SPNS3: variants seen among roughly 807,000 people sequenced by gnomAD.
The protein encoded by SPNS3 is protein spinster homolog 3.
In SPNS3, 51 loss-of-function variants were observed where a neutral mutation model predicts 54.4. The observed-to-expected ratio is 0.94, with a 90% CI of 0.75 to 1.18. The LOEUF (loss-of-function observed/expected upper bound fraction) is 1.18, where lower values mean the gene tolerates loss of function less well. Ranked by LOEUF, SPNS3 falls within the 50% of genes most tolerant of loss-of-function variation. SPNS3 has a pLI of 0.00. For missense variants in SPNS3, 669 were observed against 677.4 expected (o/e 0.99, Z 0.14); for synonymous variants, 309 against 294.7 (o/e 1.05, Z -0.50).
At chr17:4,466,891 C>T (rs927287832) in intron 8 of SPNS3, among the ~76,000 whole-genome samples, 2 of 152,118 alleles carry the variant, frequency 1.3e-5, no homozygotes, top group Non-Finnish European at 2.9e-5. Flanking sequence ...GGGATGAGTT[C>T]TCTGGAGAGC....
chr17:4,435,492 A>T (rs1205206705), intron 1 of SPNS3, among the ~76,000 whole-genome samples: 2 of 150,842 alleles, frequency 1.3e-5, no homozygotes, highest in Admixed American at 6.6e-5. Flanking sequence ...AATATTTTTT[A>T]AAAATTAAGG....
chr17:4,439,521 G>A, intron 1 of SPNS3, 137 bp from the exon 2 acceptor site: 1 of 672,752 alleles, frequency 1.5e-6, no homozygotes, highest in South Asian at 1.8e-5. Context: ...GGAGAGAGGG[G>A]GAGAGAACAG....
intron 8 of SPNS3, among the ~76,000 whole-genome samples, chr17:4,459,291 G>A (rs1186500908): frequency 1.3e-5 from 2 of 152,182 alleles, no homozygotes; most frequent in Non-Finnish European, 1.5e-5. Context: ...TCAGGCACGT[G>A]GACAGGTGGG....
intron 5 of SPNS3, 110 bp downstream of exon 5, chr17:4,447,072 A>C: frequency 7.6e-6 from 9 of 1,183,980 alleles, no homozygotes; most frequent in South Asian, 6.4e-5. Flanking sequence ...CATTAGGGGG[A>C]CGGGGGGTGG....
At chr17:4,475,606 G>A (rs1971971414) in intron 8 of SPNS3, among the ~76,000 whole-genome samples, 3 of 152,278 alleles carry the variant, frequency 2.0e-5, no homozygotes, top group South Asian at 2.1e-4. Flanking sequence ...ACCAGTCCGC[G>A]CCTGGGGCCT....
At chr17:4,457,134 G>A (rs1223671092) in intron 8 of SPNS3, among the ~76,000 whole-genome samples, 1 of 152,200 alleles carries the variant, frequency 6.6e-6, no homozygotes, top group Non-Finnish European at 1.5e-5. Flanking sequence ...GCTGACGTCT[G>A]GAATCCCAGT....
chr17:4,446,331 C>A, intron 4 of SPNS3, 132 bp downstream of exon 4: 1 of 992,144 alleles, frequency 1.0e-6, no homozygotes, highest in South Asian at 1.7e-5. Context: ...CTACCCCTCC[C>A]TCACCATGTG....
At chr17:4,435,448 A>AT (rs1567550476) in intron 1 of SPNS3, among the ~76,000 whole-genome samples, 5 of 147,172 alleles carry the variant, frequency 3.4e-5, no homozygotes, top group African/African-American at 1.3e-4. Context: ...CTCAAAAAAA[A>AT]AAAAATAAAA....
At chr17:4,477,730 G>A (rs939862929) in intron 8 of SPNS3, among the ~76,000 whole-genome samples, 7 of 152,120 alleles carry the variant, frequency 4.6e-5, no homozygotes, top group African/African-American at 1.2e-4. Context: ...GACCAGGCTC[G>A]GTTTGACTGT....
At chr17:4,438,780 C>T (rs908513287) in intron 1 of SPNS3, among the ~76,000 whole-genome samples, 6 of 152,230 alleles carry the variant, frequency 3.9e-5, no homozygotes, top group African/African-American at 1.4e-4. Flanking sequence ...GTGCACTGAG[C>T]AGCGACAGGG....
In SPNS3 at chr17:4,463,784, G is replaced by GCTA. The variant is rs912726515; in HGVS notation, c.1113+10580_1113+10581insTAC. ...TACTTGTACATACAATATACATTTAGCATGAACATGCTAAATGTATATTGT... is the reference window on the plus strand; with the variant it reads ...TACTTGTACATACAATATACATTTAGCTACATGAACATGCTAAATGTATATTGT... On this transcript the variant is annotated intron_variant, in intron 8 of 11. Coordinates refer to ENST00000355530, the MANE Select transcript of SPNS3 (RefSeq NM_182538.5). Among the ~76,000 whole-genome samples, 57 of 150,854 alleles carry GCTA rather than the reference G, an allele frequency of 3.8e-4. 1 individual carries two copies. The highest frequency in any genetic ancestry group is 1.1e-3 in the South Asian group (5 of 4,760).
chr17:4,461,079 T>C (rs1481045453), intron 8 of SPNS3, among the ~76,000 whole-genome samples: 2 of 152,128 alleles, frequency 1.3e-5, no homozygotes, highest in Non-Finnish European at 2.9e-5. Context: ...TTTCAGTAGT[T>C]TGTATCTTTT....
chr17:4,480,732 GA>G (rs1368468534), intron 9 of SPNS3, among the ~76,000 whole-genome samples: 2 of 152,180 alleles, frequency 1.3e-5, no homozygotes, highest in African/African-American at 4.8e-5. Context: ...CCCATTTGGG[GA>G]GCTGCCCAGG....
At chr17:4,480,702 T>C (rs1214671023) in intron 9 of SPNS3, among the ~76,000 whole-genome samples, 1 of 152,180 alleles carries the variant, frequency 6.6e-6, no homozygotes, top group Non-Finnish European at 1.5e-5. Context: ...GGTTAGGGGC[T>C]GGCCAGCTGC....
rs1337605118 is a variant in SPNS3 at position 4,458,633 on chromosome 17, C to CT, written c.1113+5431dup. On this transcript the variant is annotated intron_variant, in intron 8 of 11. Transcript: ENST00000355530. ...TCTTTCTTTCTTTCTTTCTTTCTTT[C>CT]TTTCTTTCTTTCTTTCCTTCCTTCT... Among the ~76,000 whole-genome samples, 469 of 128,110 alleles carry CT rather than the reference C, an allele frequency of 3.7e-3. 8 individuals are homozygous for CT. Among genetic ancestry groups the CT allele is most frequent in the Middle Eastern group, 0.016 (4 of 256 alleles). The allele number at this position is 128,110 out of a possible 152,430, so 84.0% of individuals were successfully genotyped here.
rs578040006 is a variant in SPNS3, at chr17:4,439,793, A to G, written c.265+70A>G. ...CTGGGGTGGGCTCTTTCTGTGGGTC[A>G]TGTTCTGTGCCCAGCTCCAGCCCCA... On this transcript the variant is annotated intron_variant, in intron 2 of 11. Transcript: ENST00000355530. The G allele has an allele frequency of 4.9e-6, 7 of 1,426,886 alleles. No individual in the cohort carries two copies. The East Asian group carries it at 1.4e-4, about 29-fold the overall frequency. The allele number at this position is 1,426,886 out of a possible 1,614,324, so 88.4% of individuals were successfully genotyped here. A position where few individuals can be genotyped will look rare whatever the true frequency, so the allele number is the denominator to read the frequency against.
At chr17:4,480,263 A>G (rs1261713412) in intron 9 of SPNS3, among the ~76,000 whole-genome samples, 1 of 152,204 alleles carries the variant, frequency 6.6e-6, no homozygotes, top group African/African-American at 2.4e-5. Context: ...GCCCAGAGTC[A>G]GCCGCAGACC....
In SPNS3 at chr17:4,453,532, C is replaced by T. The variant is rs182114244; in HGVS notation, c.1113+327C>T. ...GCTTGGGAGGCTGAGGCAGGAGAATCGCTTGAACGCGGGAGGTGGAGGTTG... is the reference window on the plus strand; with the variant it reads ...GCTTGGGAGGCTGAGGCAGGAGAATTGCTTGAACGCGGGAGGTGGAGGTTG... On this transcript the variant is annotated intron_variant, in intron 8 of 11. Transcript: ENST00000355530. 4.6e-4 allele frequency among the ~76,000 whole-genome samples: 70 copies of T among 152,176 alleles called. No individual in the cohort carries two copies. The East Asian group carries it at 0.011, about 24-fold the overall frequency.
intron 1 of SPNS3, among the ~76,000 whole-genome samples, chr17:4,435,311 T>A (rs1970684910): frequency 6.6e-6 from 1 of 151,444 alleles, no homozygotes; most frequent in Non-Finnish European, 1.5e-5. Context: ...TAATCTCAGC[T>A]ACTGGGGAGG....
Sources: allele counts gnomAD v4.1 joint callset (sites outside exome capture counted in the v4.1 genomes callset), GRCh38; gene constraint gnomAD v4.1.1; transcripts MANE v1.5; gene names NCBI Gene and HGNC (gene_info 2026-07-23, HGNC 2026-07-21).